The following MARCHF1 variants were observed in gnomAD, a reference collection of about 807,000 sequenced individuals.
MARCHF1 encodes the protein membrane associated ring-CH-type finger 1.
MARCHF1 carries 40 observed loss-of-function variants against 54.2 expected under a neutral mutation model. That is an observed-to-expected ratio of 0.74 (90% confidence interval 0.57 to 0.96). The LOEUF is 0.96. MARCHF1 is among the 40% of genes least tolerant of loss of function. The pLI, the probability that MARCHF1 is intolerant of heterozygous loss-of-function variation, is 0.00. For missense variants in MARCHF1, 586 were observed against 656.5 expected (o/e 0.89, Z 1.17); for synonymous variants, 236 against 236.3 (o/e 1.00, Z 0.01).
chr4:164,312,624 T>A (rs766319472), intron 1 of MARCHF1, among the ~76,000 whole-genome samples: 1 of 152,054 alleles, frequency 6.6e-6, no homozygotes, highest in African/African-American at 2.4e-5. Context: ...CCCGGCCGAA[T>A]TATTTTCTTT....
chr4:164,168,715 AC>A (rs1730447122), intron 1 of MARCHF1, among the ~76,000 whole-genome samples: 1 of 150,794 alleles, frequency 6.6e-6, no homozygotes, highest in African/African-American at 2.5e-5. Context: ...CCTACAGTTG[AC>A]CCTTGAGCAA....
At chr4:164,371,217 G>A (rs1235140596) in intron 1 of MARCHF1, among the ~76,000 whole-genome samples, 3 of 152,060 alleles carry the variant, frequency 2.0e-5, no homozygotes, top group East Asian at 3.9e-4. Context: ...GTGGTGGGGG[G>A]ATGGGTTAAT....
intron 7 of MARCHF1, 96 bp from the exon 8 acceptor site, chr4:163,586,025 C>A: frequency 9.4e-7 from 1 of 1,064,674 alleles, no homozygotes; most frequent in East Asian, 2.7e-5. Flanking sequence ...TATTATAAAC[C>A]GCAACCTAAG....
intron 1 of MARCHF1, among the ~76,000 whole-genome samples, chr4:164,306,690 A>G (rs1734704799): frequency 6.6e-6 from 1 of 152,198 alleles, no homozygotes; most frequent in African/African-American, 2.4e-5. Flanking sequence ...TGAGGGTCCT[A>G]ATGTGATTCA....
intron 1 of MARCHF1, among the ~76,000 whole-genome samples, chr4:164,165,264 T>C (rs750937285): frequency 3.3e-5 from 5 of 152,014 alleles, no homozygotes; most frequent in South Asian, 2.1e-4. Context: ...AGGGCCTTTA[T>C]AGAAATAAAT....
chr4:164,061,625 TA>T (rs1471146047), intron 2 of MARCHF1, among the ~76,000 whole-genome samples: 4 of 151,232 alleles, frequency 2.6e-5, no homozygotes, highest in African/African-American at 9.7e-5. Context: ...GGCACATGTA[TA>T]CATATGTAAC....
intron 3 of MARCHF1, among the ~76,000 whole-genome samples, chr4:163,963,030 C>T (rs1463021569): frequency 6.6e-6 from 1 of 151,872 alleles, no homozygotes; most frequent in African/African-American, 2.4e-5. Flanking sequence ...TCTACAGAAC[C>T]TTGTATTGCA....
chr4:163,948,930 G>A (rs959794982), intron 3 of MARCHF1, among the ~76,000 whole-genome samples: 1 of 152,250 alleles, frequency 6.6e-6, no homozygotes, highest in East Asian at 1.9e-4. Flanking sequence ...TGTGAATGGA[G>A]AACAAGATTT....
At chr4:163,670,388 G>GTCTGTCTA (rs763757124) in intron 5 of MARCHF1, among the ~76,000 whole-genome samples, 9 of 149,994 alleles carry the variant, frequency 6.0e-5, no homozygotes, top group African/African-American at 2.0e-4. Context: ...CTATCTGTCT[G>GTCTGTCTA]TCTATCTATC....
chr4:164,181,344 C>T (rs1010656616), intron 1 of MARCHF1, among the ~76,000 whole-genome samples: 2 of 152,098 alleles, frequency 1.3e-5, no homozygotes, highest in Non-Finnish European at 2.9e-5. Context: ...ACACAAGACA[C>T]ACACAATCAT....
intron 5 of MARCHF1, among the ~76,000 whole-genome samples, chr4:163,671,361 C>T (rs1442281841): frequency 2.0e-5 from 3 of 152,156 alleles, no homozygotes. Flanking sequence ...GCAGAATACT[C>T]ACAGTACGGG....
At chr4:163,595,345 C>A (rs1205638092) in intron 7 of MARCHF1, among the ~76,000 whole-genome samples, 3 of 113,284 alleles carry the variant, frequency 2.6e-5, no homozygotes, top group African/African-American at 1.1e-4. Flanking sequence ...CCTGTCTTCA[C>A]TAAAAATAAA....
In MARCHF1 at chr4:164,146,965, A is replaced by C. The variant is rs886464519; in HGVS notation, c.-322-35303T>G. On this transcript the variant is annotated intron_variant, in intron 1 of 9. Transcript: ENST00000514618. The stretch of plus-strand genomic sequence containing the variant: ...TATCCAGAATCTACAATGAACTCAA[A>C]CAAATTTACAAGAAAAAAACAAACA... Among the ~76,000 whole-genome samples, 49 of 151,194 alleles carry C rather than the reference A, an allele frequency of 3.2e-4. No homozygotes were observed. The Middle Eastern group carries it at 0.017, about 53-fold the overall frequency.
intron 4 of MARCHF1, among the ~76,000 whole-genome samples, chr4:163,814,266 C>T (rs576461542): frequency 6.6e-6 from 1 of 152,268 alleles, no homozygotes; most frequent in South Asian, 2.1e-4. Flanking sequence ...TTGGGGCCTT[C>T]GCAGTCTCCA....
intron 4 of MARCHF1, among the ~76,000 whole-genome samples, chr4:163,720,195 A>G (rs1418805948): frequency 2.6e-5 from 4 of 152,252 alleles, no homozygotes; most frequent in African/African-American, 7.2e-5. Flanking sequence ...ATCTTGAATT[A>G]ATTTTTGTGT....
At chr4:164,301,514 A>G (rs541537785) in intron 1 of MARCHF1, among the ~76,000 whole-genome samples, 94 of 152,330 alleles carry the variant, frequency 6.2e-4, no homozygotes, top group Non-Finnish European at 1.1e-3. Flanking sequence ...AAAGTTCACT[A>G]TGGTGCTCAG....
chr4:163,685,613 C>A (rs1283617846), intron 5 of MARCHF1, among the ~76,000 whole-genome samples: 1 of 152,078 alleles, frequency 6.6e-6, no homozygotes, highest in Non-Finnish European at 1.5e-5. Flanking sequence ...CGCCACCACC[C>A]CAGGCTAATT....
At chr4:164,220,680 T>C (rs1339219046) in intron 1 of MARCHF1, among the ~76,000 whole-genome samples, 1 of 146,442 alleles carries the variant, frequency 6.8e-6, no homozygotes, top group Non-Finnish European at 1.5e-5. Context: ...TATGTATATA[T>C]GTAATATATA....
intron 2 of MARCHF1, among the ~76,000 whole-genome samples, chr4:164,022,589 A>G (rs1226267892): frequency 1.3e-5 from 2 of 152,212 alleles, no homozygotes; most frequent in South Asian, 2.1e-4. Context: ...TACCACAGAC[A>G]TTTGAACTGG....
Sources: gnomAD v4.1 joint callset for allele counts (sites outside exome capture counted in the v4.1 genomes callset) on GRCh38, gnomAD v4.1.1 for gene constraint, MANE v1.5 for transcripts, NCBI Gene and HGNC (gene_info 2026-07-23, HGNC 2026-07-21) for gene names.